Variants in PCDHA8 observed in about 807,000 individuals in gnomAD.
PCDHA8 encodes protocadherin alpha 8.
A neutral mutation model predicts 61.8 loss-of-function variants in PCDHA8; 53 were observed. The ratio of observed to expected loss-of-function variants is 0.86; its 90% CI spans 0.69 to 1.08. PCDHA8 has a LOEUF of 1.08. Among genes scored for constraint, PCDHA8 ranks in the 50% least tolerant of loss-of-function variants. The probability of loss-of-function intolerance (pLI) is 0.00; values close to 1 mark genes in which losing one functional copy is unlikely to be tolerated. For missense variants in PCDHA8, 1,293 were observed against 1,245.0 expected, an observed-to-expected ratio of 1.04 and a Z score of -0.58; for synonymous variants, 618 against 556.6, an observed-to-expected ratio of 1.11 and a Z score of -1.55.
intron 3 of PCDHA8, among the ~76,000 whole-genome samples, chr5:140,994,342 T>C (rs571225967): frequency 1.3e-5 from 2 of 152,288 alleles, no homozygotes; most frequent in South Asian, 4.1e-4. Flanking sequence ...ACAGTGGATG[T>C]TGTGGGACCT....
chr5:140,907,914 T>A (rs2073690399), intron 1 of PCDHA8, among the ~76,000 whole-genome samples: 4 of 152,242 alleles, frequency 2.6e-5, no homozygotes, highest in Admixed American at 1.3e-4. Context: ...TTTTGACCAC[T>A]CAGAGAGGTC....
chr5:140,956,137 A>C (rs374405911), intron 1 of PCDHA8, among the ~76,000 whole-genome samples: 1 of 152,114 alleles, frequency 6.6e-6, no homozygotes. Flanking sequence ...AATACCCTTT[A>C]TTTCTTTCTC....
chr5:140,952,221 C>T (rs991982346), intron 1 of PCDHA8, among the ~76,000 whole-genome samples: 1 of 151,940 alleles, frequency 6.6e-6, no homozygotes, highest in Non-Finnish European at 1.5e-5. Flanking sequence ...TTTCCAGGCA[C>T]AGTGTGCAAG....
intron 1 of PCDHA8, among the ~76,000 whole-genome samples, chr5:140,917,338 G>GGTGGGGGGGGGGGGGGGGGGC (rs2078134893): frequency 7.3e-6 from 1 of 137,894 alleles, no homozygotes; most frequent in Non-Finnish European, 1.6e-5. Flanking sequence ...GGAGGGGGGG[G>GGTGGGGGGGGGGGGGGGGGGC]ATGGTGTAGG....
intron 1 of PCDHA8, chr5:140,857,495 G>T: frequency 6.3e-7 from 1 of 1,598,344 alleles, no homozygotes; most frequent in Non-Finnish European, 8.6e-7. Context: ...GGACGCGGAC[G>T]CGCAGGAGAA....
At chr5:140,967,473 C>G in intron 1 of PCDHA8, 1 of 1,613,362 alleles carries the variant, frequency 6.2e-7, no homozygotes, top group Admixed American at 1.7e-5. Context: ...GGCATCCCAG[C>G]CCGCTCGGGT....
At chr5:140,884,938 G>A (rs2060412389) in intron 1 of PCDHA8, among the ~76,000 whole-genome samples, 1 of 152,106 alleles carries the variant, frequency 6.6e-6, no homozygotes, top group African/African-American at 2.4e-5. Context: ...TCTTGCAATT[G>A]AGCATTTACA....
Position 140,843,302 on chromosome 5 carries a change from G to A in PCDHA8, c.1981G>A (p.Ala661Thr). 1 of 1,595,928 alleles carries A rather than the reference G, an allele frequency of 6.3e-7. No homozygotes were observed. Among genetic ancestry groups the A allele is most frequent in the Non-Finnish European group, 8.6e-7 (1 of 1,165,528 alleles). ...VKDHGEPALT[A>T]TATVLVSLVE... ...GGATCATGGTGAACCTGCGCTGACCGCCACGGCCACGGTTCTGGTGTCGCT... is the reference window on the plus strand; with the variant it reads ...GGATCATGGTGAACCTGCGCTGACCACCACGGCCACGGTTCTGGTGTCGCT... Residue 661 changes from alanine to threonine, a missense_variant, in exon 1 of 4, where the codon GCC becomes ACC. Transcript: ENST00000531613.
chr5:141,002,877 A>G (rs989540490), intron 3 of PCDHA8, among the ~76,000 whole-genome samples: 1 of 152,252 alleles, frequency 6.6e-6, no homozygotes, highest in Non-Finnish European at 1.5e-5. Context: ...CCTCAAGAAC[A>G]GAAAGAGAAC....
In PCDHA8 at chr5:140,884,236, G is replaced by A. The variant is rs368136155; in HGVS notation, c.2394+40521G>A. ...TGGTGCTGGTGAAGGACCACGGTGAGCCCGCGCTGACGGCCACGGCAACGG... is the reference window on the plus strand; with the variant it reads ...TGGTGCTGGTGAAGGACCACGGTGAACCCGCGCTGACGGCCACGGCAACGG... On this transcript the variant is annotated intron_variant, in intron 1 of 3. Transcript: ENST00000531613. 11 of 1,613,334 alleles carry A rather than the reference G, an allele frequency of 6.8e-6. No homozygotes were observed. The African/African-American group carries it at 1.2e-4, about 18-fold the overall frequency.
At chr5:140,847,344 C>T (rs1478232751) in intron 1 of PCDHA8, 1 of 149,742 alleles carries the variant, frequency 6.7e-6, no homozygotes, top group African/African-American at 2.4e-5. Context: ...ACCTCTTAGG[C>T]TGTTATCAGT....
chr5:140,979,514 C>G lies in PCDHA8; in HGVS notation c.2453+507C>G, dbSNP rs75440413. On this transcript the variant is annotated intron_variant, in intron 2 of 3. Transcript: ENST00000531613. Reference sequence around the variant, plus strand: ...ATTAGAGCCTCCTCATCTTTCCCATCTGTTGCTATCTTATTGTCATCAATG... The same window carrying G: ...ATTAGAGCCTCCTCATCTTTCCCATGTGTTGCTATCTTATTGTCATCAATG... 4.7e-4 allele frequency among the ~76,000 whole-genome samples: 71 copies of G among 152,274 alleles called. 1 individual carries two copies. In the East Asian group the frequency reaches 0.014, roughly 29 times the overall value.
intron 1 of PCDHA8, among the ~76,000 whole-genome samples, chr5:140,892,032 T>C (rs1329804086): frequency 6.6e-6 from 1 of 152,222 alleles, no homozygotes; most frequent in African/African-American, 2.4e-5. Context: ...TCTAAGATAC[T>C]TTTATTTATT....
chr5:140,982,985 A>C (rs2097019022), intron 3 of PCDHA8, among the ~76,000 whole-genome samples: 1 of 152,162 alleles, frequency 6.6e-6, no homozygotes, highest in Non-Finnish European at 1.5e-5. Flanking sequence ...AAAGAAAGAG[A>C]AAAAGAAGGA....
chr5:140,899,127 C>T (rs1487430888), intron 1 of PCDHA8, among the ~76,000 whole-genome samples: 16 of 152,302 alleles, frequency 1.1e-4, no homozygotes, highest in African/African-American at 3.9e-4. Context: ...ACAATCATGT[C>T]TTCTGCAAAC....
intron 1 of PCDHA8, chr5:140,849,567 C>G: frequency 1.3e-6 from 2 of 1,598,580 alleles, no homozygotes; most frequent in Non-Finnish European, 1.7e-6. Flanking sequence ...GCTCTCGGTT[C>G]CTGTAAAAGA....
chr5:140,868,265 T>G (rs182913735), intron 1 of PCDHA8: 1 of 152,250 alleles, frequency 6.6e-6, no homozygotes, highest in African/African-American at 2.4e-5. Flanking sequence ...GTGGATTCTT[T>G]TTTAAAACTA....
chr5:140,882,539 G>C (rs1303287274), intron 1 of PCDHA8: 2 of 1,614,110 alleles, frequency 1.2e-6, no homozygotes. Context: ...TTCTCGGATC[G>C]ACCGCGAGGA....
chr5:140,883,962 T>G, intron 1 of PCDHA8: 3 of 1,613,126 alleles, frequency 1.9e-6, no homozygotes, highest in Non-Finnish European at 2.5e-6. Context: ...GCTCCGGCGC[T>G]GCTGACGCCC....
Sources: allele counts gnomAD v4.1 joint callset (sites outside exome capture counted in the v4.1 genomes callset), GRCh38; gene constraint gnomAD v4.1.1; transcripts MANE v1.5; gene names NCBI Gene and HGNC (gene_info 2026-07-23, HGNC 2026-07-21).